JARID2: variants seen among roughly 807,000 people sequenced by gnomAD.
The protein encoded by JARID2 is protein Jumonji.
In JARID2, 21 loss-of-function variants were observed where a neutral mutation model predicts 125.6. The ratio of observed to expected loss-of-function variants is 0.17; its 90% CI spans 0.12 to 0.24. JARID2 has a LOEUF of 0.24. Among genes scored for constraint, JARID2 ranks in the 10% least tolerant of loss-of-function variants. The pLI is 1.00. For synonymous variants in JARID2, 736 were observed against 661.6 expected (o/e 1.11, Z -1.73); for missense variants, 1,303 against 1,639.6 (o/e 0.79, Z 3.55).
chr6:15,364,830 A>G (rs758968754), intron 1 of JARID2, among the ~76,000 whole-genome samples: 2 of 152,216 alleles, frequency 1.3e-5, no homozygotes, highest in African/African-American at 4.8e-5. Flanking sequence ...TGTGTTGTCC[A>G]TTGACAGGTG....
At chr6:15,510,231 C>T (rs1398440992) in intron 12 of JARID2, among the ~76,000 whole-genome samples, 3 of 152,082 alleles carry the variant, frequency 2.0e-5, no homozygotes, top group African/African-American at 4.8e-5. Flanking sequence ...CTGTCAGGCC[C>T]CTCTCCACAC....
intron 1 of JARID2, among the ~76,000 whole-genome samples, chr6:15,253,547 C>T (rs1759536366): frequency 6.6e-6 from 1 of 152,100 alleles, no homozygotes; most frequent in African/African-American, 2.4e-5. Flanking sequence ...GCAGATTGTT[C>T]CAGAGGGCAA....
intron 1 of JARID2, chr6:15,248,181 CA>C (rs1759259083): frequency 1.4e-6 from 1 of 733,172 alleles, no homozygotes; most frequent in African/African-American, 1.9e-5. Context: ...GCACCGGGAG[CA>C]GAGCCGGTGT....
At position 15,520,268 on chromosome 6, in the gene JARID2, G is replaced by A; in HGVS notation, c.*17G>A. 1 of 1,561,606 alleles carries A rather than the reference G, an allele frequency of 6.4e-7. No individual in the cohort carries two copies. The stretch of plus-strand genomic sequence containing the variant: ...TCATCATGAAGATGCCAACGCCCGT[G>A]GTCGATTTATATATATTTTTTTGTA... On this transcript the variant is annotated 3_prime_UTR_variant, in exon 18 of 18. Transcript: ENST00000341776.
intron 1 of JARID2, among the ~76,000 whole-genome samples, chr6:15,296,446 T>C (rs1167395297): frequency 2.0e-5 from 3 of 152,184 alleles, no homozygotes; most frequent in Non-Finnish European, 2.9e-5. Flanking sequence ...AGTGGTTTTT[T>C]AATGAAAAGT....
intron 7 of JARID2, 30 bp from the exon 8 acceptor site, chr6:15,500,877 G>T: frequency 6.4e-7 from 1 of 1,561,954 alleles, no homozygotes. Context: ...TTCACTAACT[G>T]TCCCGTTTTT....
At chr6:15,403,868 A>C (rs2127559164) in intron 2 of JARID2, among the ~76,000 whole-genome samples, 1 of 152,206 alleles carries the variant, frequency 6.6e-6, no homozygotes, top group South Asian at 2.1e-4. Flanking sequence ...CATCCTCCCC[A>C]TTCCTGCCTC....
Position 15,468,591 on chromosome 6 carries a change from TGAG to T in JARID2, c.549_551del (p.Glu184del), listed in dbSNP as rs773450644. 15 of 1,613,862 alleles carry T rather than the reference TGAG, an allele frequency of 9.3e-6. No individual in the cohort carries two copies. The highest frequency in any genetic ancestry group is 1.3e-5 in the Non-Finnish European group (15 of 1,179,982). The stretch of plus-strand genomic sequence containing the variant: ...TGGTGTATTTTGGAAGCTCTCAGGA[TGAG>T]GAGGAAGTCGAGGAGGAAGATGATG... On this transcript the variant is annotated inframe_deletion, in exon 5 of 18. Transcript: ENST00000341776.
intron 3 of JARID2, among the ~76,000 whole-genome samples, chr6:15,445,109 C>T (rs1201498509): frequency 2.0e-5 from 3 of 152,168 alleles, no homozygotes; most frequent in Admixed American, 6.5e-5. Context: ...TAGCAATAAG[C>T]TGGTTAACTC....
intron 1 of JARID2, among the ~76,000 whole-genome samples, chr6:15,256,533 CT>C (rs1328772387): frequency 2.2e-4 from 33 of 152,350 alleles, no homozygotes; most frequent in African/African-American, 7.7e-4. Context: ...AGGATCGAAT[CT>C]AAACCAACTT....
At chr6:15,451,676 G>A (rs576984655) in intron 3 of JARID2, among the ~76,000 whole-genome samples, 6 of 152,304 alleles carry the variant, frequency 3.9e-5, no homozygotes, top group South Asian at 2.1e-4. Flanking sequence ...ACACCATTAA[G>A]CTGATGATGT....
At chr6:15,406,684 T>C (rs1407943626) in intron 2 of JARID2, among the ~76,000 whole-genome samples, 9 of 152,230 alleles carry the variant, frequency 5.9e-5, no homozygotes, top group Non-Finnish European at 1.5e-5. Context: ...CTTATCTGTT[T>C]TGCATTTTGC....
intron 3 of JARID2, among the ~76,000 whole-genome samples, chr6:15,421,570 C>G (rs73365221): frequency 1.6e-4 from 25 of 152,170 alleles, no homozygotes; most frequent in Admixed American, 1.1e-3. Flanking sequence ...GCTATGTAAT[C>G]TGTCTCTTCC....
intron 1 of JARID2, among the ~76,000 whole-genome samples, chr6:15,312,432 CTT>C (rs1183076115): frequency 7.2e-5 from 11 of 152,230 alleles, no homozygotes; most frequent in African/African-American, 2.7e-4. Context: ...ACTGTGATAA[CTT>C]ATGACAACTG....
intron 1 of JARID2, among the ~76,000 whole-genome samples, chr6:15,308,310 G>A (rs1394266593): frequency 6.6e-6 from 1 of 152,156 alleles, no homozygotes; most frequent in East Asian, 1.9e-4. Context: ...AAGTGATTCT[G>A]TGTGGAAATA....
At chr6:15,415,344 G>A (rs545764706) in intron 3 of JARID2, among the ~76,000 whole-genome samples, 1 of 152,180 alleles carries the variant, frequency 6.6e-6, no homozygotes, top group South Asian at 2.1e-4. Context: ...CCTCCCAGAC[G>A]GGGCGGTGGC....
intron 3 of JARID2, among the ~76,000 whole-genome samples, chr6:15,421,822 T>G (rs1328133225): frequency 1.3e-5 from 2 of 152,164 alleles, no homozygotes; most frequent in Non-Finnish European, 2.9e-5. Flanking sequence ...GCAGTTGGCT[T>G]GGTGAGCTGT....
intron 5 of JARID2, among the ~76,000 whole-genome samples, chr6:15,473,514 G>GGCCCCCCC (rs1769181602): frequency 5.7e-5 from 2 of 35,066 alleles, no homozygotes; most frequent in Admixed American, 8.9e-4. Flanking sequence ...TGATGTGCGT[G>GGCCCCCCC]CCCCCCCCCC....
chr6:15,429,266 CT>C (rs898209605), intron 3 of JARID2, among the ~76,000 whole-genome samples: 261 of 144,206 alleles, frequency 1.8e-3, no homozygotes, highest in Admixed American at 1.6e-3. Context: ...TTTTCTTGTT[CT>C]TTTTTTTTTT....
Sources: allele counts gnomAD v4.1 joint callset (sites outside exome capture counted in the v4.1 genomes callset), GRCh38; gene constraint gnomAD v4.1.1; transcripts MANE v1.5; gene names NCBI Gene and HGNC (gene_info 2026-07-23, HGNC 2026-07-21).